AKAP19: variants seen among roughly 807,000 people sequenced by gnomAD.
AKAP19 encodes A-kinase anchoring protein 19.
the AKAP19 span, among the ~76,000 whole-genome samples, chr2:190,101,279 A>G: frequency 6.6e-6 from 1 of 152,222 alleles, no homozygotes; most frequent in African/African-American, 2.4e-5. Context: ...CTTCCCTGTC[A>G]CAGGCCTGTG....
At chr2:189,938,159 ACCCCGT>A in the AKAP19 span, among the ~76,000 whole-genome samples, 1 of 151,948 alleles carries the variant, frequency 6.6e-6, no homozygotes, top group South Asian at 2.1e-4. Context: ...AACATGGTGA[ACCCCGT>A]CTCTACTAAA....
At chr2:190,182,372 T>TA in the AKAP19 span, among the ~76,000 whole-genome samples, 1 of 152,198 alleles carries the variant, frequency 6.6e-6, no homozygotes, top group Non-Finnish European at 1.5e-5. Flanking sequence ...CAAAAATAGT[T>TA]AAGAAATGAA....
the AKAP19 span, chr2:189,924,138 G>A: frequency 2.1e-5 from 34 of 1,612,026 alleles, no homozygotes; most frequent in Non-Finnish European, 2.7e-5. Context: ...ACCAGCTGGA[G>A]TTGATCAAGG....
At chr2:190,030,494 C>T in the AKAP19 span, among the ~76,000 whole-genome samples, 4 of 152,054 alleles carry the variant, frequency 2.6e-5, no homozygotes, top group Admixed American at 6.6e-5. Flanking sequence ...TTGGTGTGCC[C>T]GTGTTTTGCC....
the AKAP19 span, among the ~76,000 whole-genome samples, chr2:189,977,694 T>G: frequency 0.93 from 141,321 of 152,268 alleles, 65,627 homozygotes; most frequent in East Asian, 0.97. Flanking sequence ...TGGAGTGGTG[T>G]AGGTAGAGAA....
At chr2:189,936,937 C>A in the AKAP19 span, among the ~76,000 whole-genome samples, 1 of 152,076 alleles carries the variant, frequency 6.6e-6, no homozygotes, top group Non-Finnish European at 1.5e-5. Flanking sequence ...CCAGCCTGGG[C>A]AACATAGCGA....
the AKAP19 span, chr2:190,199,730 A>C: frequency 7.4e-6 from 11 of 1,491,362 alleles, no homozygotes; most frequent in African/African-American, 8.4e-5. Flanking sequence ...GTGAAAGGGA[A>C]CATTGATTAC....
At chr2:190,200,503 TAAC>T in the AKAP19 span, 1 of 177,332 alleles carries the variant, frequency 5.6e-6, no homozygotes, top group Non-Finnish European at 1.3e-5. Flanking sequence ...TCCTTTAAAA[TAAC>T]AATTTTTGTT....
the AKAP19 span, among the ~76,000 whole-genome samples, chr2:190,152,050 T>C: frequency 3.3e-5 from 5 of 149,698 alleles, no homozygotes; most frequent in Non-Finnish European, 5.9e-5. Flanking sequence ...TTGGCCAGGC[T>C]CCATGGCTCA....
the AKAP19 span, among the ~76,000 whole-genome samples, chr2:190,081,077 T>C: frequency 6.6e-6 from 1 of 152,188 alleles, no homozygotes; most frequent in Admixed American, 6.5e-5. Flanking sequence ...AGATGGATAC[T>C]GAGAGGGTCT....
chr2:190,181,051 C>G, the AKAP19 span: 5 of 985,558 alleles, frequency 5.1e-6, no homozygotes, highest in South Asian at 9.4e-5. Flanking sequence ...AGGCTGCCTC[C>G]GGGACCCCAC....
the AKAP19 span, among the ~76,000 whole-genome samples, chr2:190,065,901 C>G: frequency 6.6e-6 from 1 of 152,104 alleles, no homozygotes; most frequent in African/African-American, 2.4e-5. Flanking sequence ...CTTCCTGAGG[C>G]CCCAGAATAG....
chr2:190,062,762 C>T, the AKAP19 span: 1 of 624,542 alleles, frequency 1.6e-6, no homozygotes, highest in Non-Finnish European at 2.7e-6. Flanking sequence ...TTTTTATATT[C>T]CAACTTAGAT....
At chr2:190,042,968 A>G in the AKAP19 span, among the ~76,000 whole-genome samples, 2 of 152,188 alleles carry the variant, frequency 1.3e-5, no homozygotes, top group East Asian at 1.9e-4. Flanking sequence ...GTTTGGCTGG[A>G]TATGAAATTT....
the AKAP19 span, chr2:190,062,821 T>A: frequency 2.0e-6 from 1 of 501,912 alleles, no homozygotes; most frequent in South Asian, 2.5e-5. Flanking sequence ...CCACAATGAA[T>A]CTCGCTGTCA....
At chr2:189,915,161 C>G in the AKAP19 span, among the ~76,000 whole-genome samples, 1 of 152,092 alleles carries the variant, frequency 6.6e-6, no homozygotes, top group African/African-American at 2.4e-5. Context: ...AGTTGACAGT[C>G]TACACTAGAA....
At chr2:190,169,524 G>A in the AKAP19 span, among the ~76,000 whole-genome samples, 28,231 of 152,222 alleles carry the variant, frequency 0.19, 2,723 homozygotes, top group African/African-American at 0.21. Context: ...TGTGATTTAT[G>A]AGATAGAGAA....
the AKAP19 span, among the ~76,000 whole-genome samples, chr2:190,179,334 G>A: frequency 6.6e-6 from 1 of 152,048 alleles, no homozygotes; most frequent in Non-Finnish European, 1.5e-5. The surrounding 1 kb of genome is among the most constrained non-coding windows in gnomAD (Gnocchi z 6.0). Flanking sequence ...TTGAACCTGG[G>A]AGGTGGGGGT....
chr2:189,900,980 A>G, the AKAP19 span, among the ~76,000 whole-genome samples: 1 of 152,142 alleles, frequency 6.6e-6, no homozygotes, highest in African/African-American at 2.4e-5. Context: ...GTCTGGTGAT[A>G]AGTCAGCTGC....
Sources: gnomAD v4.1 joint callset for allele counts (sites outside exome capture counted in the v4.1 genomes callset) on GRCh38, gnomAD v4.1.1 for gene constraint, Gnocchi (gnomAD v3.1) non-coding constraint, MANE v1.5 for transcripts, NCBI Gene and HGNC (gene_info 2026-07-23, HGNC 2026-07-21) for gene names.